Variants in PROM2 observed in about 807,000 individuals in gnomAD.
PROM2 encodes the protein prominin 2.
In PROM2, 90 loss-of-function variants were observed where a neutral mutation model predicts 110.2. The observed-to-expected ratio is 0.82, with a 90% CI of 0.69 to 0.97. The LOEUF is 0.97. Among genes scored for constraint, PROM2 ranks in the 50% least tolerant of loss-of-function variants. The pLI is 0.00. For missense variants in PROM2, 1,009 were observed against 1,074.8 expected (o/e 0.94, Z 0.86); for synonymous variants, 470 against 467.8 (o/e 1.00, Z -0.06).
At chr2:95,281,827 T>C in intron 12 of PROM2, 98 bp from the exon 13 acceptor site, 2 of 833,064 alleles carry the variant, frequency 2.4e-6, no homozygotes, top group Non-Finnish European at 4.1e-6. Context: ...ACCCCTGGTC[T>C]GTGCTGTGCC....
Position 95,277,720 on chromosome 2 carries a change from T to G in PROM2, c.975+154T>G, listed in dbSNP as rs1676759864. 12 of 839,838 alleles carry G rather than the reference T, an allele frequency of 1.4e-5. No homozygotes were observed. In the East Asian group the frequency reaches 3.0e-4, roughly 21 times the overall value. The allele number at this position is 839,838 out of a possible 1,614,324, so 52.0% of individuals were successfully genotyped here. Reference sequence around the variant, plus strand: ...CGGGTCATCCTGGCAGTGGGTGGAGTGCTCCCCAGGCCACGCCCTGTACGT... The same window carrying G: ...CGGGTCATCCTGGCAGTGGGTGGAGGGCTCCCCAGGCCACGCCCTGTACGT... On this transcript the variant is annotated intron_variant, in intron 7 of 23. Transcript: ENST00000317620.
chr2:95,277,051 T>C lies in PROM2; in HGVS notation c.762T>C (p.Ser254=), dbSNP rs1333719093. The change falls in exon 6 of 24, where the codon AGT becomes AGC. Residue 254 remains serine (S), a synonymous_variant. Coordinates refer to ENST00000317620, the MANE Select transcript of PROM2 (RefSeq NM_001165978.3). The stretch of plus-strand genomic sequence containing the variant: ...ACCCCTTGCTGGCGGCCGTGGGCAG[T>C]TTGGGCCAGGGTGAGCTGGAGCCGC... The part of the protein sequence containing the change: ...SVYPLLAAVG[S]LGQVLQVSVH... 2 of 1,551,238 alleles carry C rather than the reference T, an allele frequency of 1.3e-6. No individual in the cohort carries two copies. Among genetic ancestry groups the C allele is most frequent in the Non-Finnish European group, 1.7e-6 (2 of 1,146,986 alleles).
At chr2:95,288,423 G>A (rs1042370142) in intron 21 of PROM2, 60 bp from the exon 22 acceptor site, 53 of 1,591,072 alleles carry the variant, frequency 3.3e-5, no homozygotes, top group Non-Finnish European at 4.3e-5. Context: ...TGATGACAAG[G>A]CAGCTGGGTG....
rs548757602 is a variant in PROM2, at chr2:95,275,845, C to T, written c.295-85C>T. On this transcript the variant is annotated intron_variant, in intron 2 of 23. Coordinates refer to ENST00000317620, the MANE Select transcript of PROM2 (RefSeq NM_001165978.3). The surrounding 1 kb of genome is among the most constrained non-coding windows in gnomAD (Gnocchi z 4.4). ...CATGCCCCTGACGGCACTCCCGCCC[C>T]TTCTGGTTTCCCTCTGGACTCAGGC... 4.3e-5 allele frequency: 66 copies of T among 1,539,814 alleles called. No homozygotes were observed. In the South Asian group the frequency reaches 4.8e-4, roughly 11 times the overall value.
chr2:95,286,271 G>A (rs1677349897), intron 16 of PROM2, among the ~76,000 whole-genome samples: 1 of 152,196 alleles, frequency 6.6e-6, no homozygotes, highest in African/African-American at 2.4e-5. Context: ...TTCTGTGACT[G>A]ACTTAGGGGC....
In PROM2 at chr2:95,286,714, C is replaced by CT; in HGVS notation, c.2041-90_2041-89insT. 5.1e-6 allele frequency: 4 copies of CT among 789,924 alleles called. No individual in the cohort carries two copies. The Admixed American group carries it at 8.5e-5, about 17-fold the overall frequency. The allele number at this position is 789,924 out of a possible 1,614,324, so 48.9% of individuals were successfully genotyped here. On this transcript the variant is annotated intron_variant, in intron 17 of 23. Coordinates refer to ENST00000317620, the MANE Select transcript of PROM2 (RefSeq NM_001165978.3). ...CCCTCCTCTCCCCTCCTCTCCCCTC[C>CT]CCTCCCCTCCACTCCCCTCCACTTT...
chr2:95,280,984 T>G (rs1482226053), intron 11 of PROM2, among the ~76,000 whole-genome samples: 3 of 152,052 alleles, frequency 2.0e-5, no homozygotes, highest in African/African-American at 7.2e-5. Flanking sequence ...ACAGCTGTTT[T>G]CTCCTCTAGG....
rs772924189 is a variant in PROM2 at position 95,281,225 on chromosome 2, C to T, written c.1428-17C>T. The T allele has an allele frequency of 2.5e-6, 4 of 1,610,506 alleles. No homozygotes were observed. In the South Asian group the frequency reaches 4.4e-5, roughly 18 times the overall value. ...CAGTCCCTGCTGTCCCTCAGTCCTG[C>T]CTCTCGCCTACCCCAGAGGTGTGGG... On this transcript the variant is annotated splice_polypyrimidine_tract_variant and intron_variant, in intron 11 of 23. Coordinates refer to ENST00000317620, the MANE Select transcript of PROM2 (RefSeq NM_001165978.3).
At position 95,276,595 on chromosome 2, in the gene PROM2, A is replaced by G; in HGVS notation, c.620A>G (p.Glu207Gly). Residue 207 changes from glutamate (E) to glycine (G), a missense_variant and splice_region_variant, in exon 5 of 24, where the codon GAG (glutamate) becomes GGG (glycine). Physicochemically the swap from Glu to Gly is moderately conservative, Grantham distance 98. Transcript: ENST00000317620. This position sits in a 1 kb window ranked among gnomAD's most constrained non-coding sequence, Gnocchi z 4.6. ...LWGLVSDVPQ[E>G]LQAVAQQFSL... ...CCTCAGGGCCTTGTGTTTGCCTAGG[A>G]GCTGCAGGCCGTGGCACAGCAATTC... 6.2e-7 allele frequency: 1 copy of G among 1,613,824 alleles called. No individual in the cohort carries two copies. Among genetic ancestry groups the G allele is most frequent in the Non-Finnish European group, 8.5e-7 (1 of 1,180,004 alleles).
chr2:95,288,156 G>A lies in PROM2; in HGVS notation c.2245-55G>A, dbSNP rs1677482073. ...CACTCTCCCTGAATTGAATATGGGT[G>A]TGCGCCTGTGGGTCCAGGTGTCTCT... On this transcript the variant is annotated intron_variant, in intron 20 of 23. Coordinates refer to ENST00000317620, the MANE Select transcript of PROM2 (RefSeq NM_001165978.3). 3.8e-6 allele frequency: 6 copies of A among 1,561,128 alleles called. No individual in the cohort carries two copies. The Admixed American group carries it at 6.7e-5, about 17-fold the overall frequency.
chr2:95,282,290 CCTCTGTGGAGGCACCGT>C (rs1455315729), intron 14 of PROM2, 64 bp downstream of exon 14: 1 of 1,379,766 alleles, frequency 7.2e-7, no homozygotes, highest in African/African-American at 1.4e-5. Flanking sequence ...GGTCTTTTTG[CCTCTGTGGAGGCACCGT>C]CTCTTTGAAC....
intron 20 of PROM2, 78 bp downstream of exon 20, chr2:95,287,542 GC>G (rs1558749896): frequency 6.9e-7 from 1 of 1,449,072 alleles, no homozygotes; most frequent in Non-Finnish European, 9.5e-7. Context: ...CCCCGCCCCC[GC>G]CCCCGGAGCC....
intron 7 of PROM2, 177 bp downstream of exon 7, chr2:95,277,743 C>T (rs769220856): frequency 9.2e-6 from 7 of 764,122 alleles, no homozygotes; most frequent in East Asian, 2.7e-5. Flanking sequence ...ACGCCCTGTA[C>T]GTGAACTTCA....
intron 9 of PROM2, 22 bp downstream of exon 9, chr2:95,278,806 G>A: frequency 1.9e-6 from 3 of 1,613,950 alleles, no homozygotes; most frequent in Non-Finnish European, 2.5e-6. Context: ...CGGGTCAGAG[G>A]CAGCTGCCAG....
rs1416001344 is a variant in PROM2 at position 95,279,074 on chromosome 2, C to G, written c.1204C>G (p.Gln402Glu). The change falls in exon 10 of 24, where the codon CAG (glutamine) becomes GAG (glutamate). Residue 402 changes from glutamine to glutamate, a missense_variant. Transcript: ENST00000317620. ...CTTGGAGGCAGCTTCCCGCTGGGCC[C>G]AGGCACTGCAGGAGGTGGAGGAGAG... ...PGLEAASRWA[Q>E]ALQEVEESSR... 5 of 1,610,674 alleles carry G rather than the reference C, an allele frequency of 3.1e-6. No individual in the cohort carries two copies. Among genetic ancestry groups the G allele is most frequent in the Non-Finnish European group, 4.2e-6 (5 of 1,178,894 alleles).
At chr2:95,278,232 G>A in intron 8 of PROM2, 2 of 591,566 alleles carry the variant, frequency 3.4e-6, no homozygotes, top group East Asian at 2.8e-5. Flanking sequence ...TGGCAAGGGA[G>A]CAGTGCTCAG....
Position 95,287,424 on chromosome 2 carries a change from T to C in PROM2, c.2204T>C (p.Met735Thr). The change falls in exon 20 of 24, where the codon ATG becomes ACG. Residue 735 changes from methionine (M) to threonine (T), a missense_variant. By Grantham distance (81) the Met-to-Thr change is moderately conservative. Transcript: ENST00000317620. ...AGTGAGTGTTTCCTGGCCCGGGAGA[T>C]GGGCTACTTCTCCCAGTACGTGGCC... ...NVSECFLARE[M>T]GYFSQYVAWV... is the part of the protein sequence containing the mutation. 9 of 1,614,040 alleles carry C rather than the reference T, an allele frequency of 5.6e-6. No individual in the cohort carries two copies. Among genetic ancestry groups the C allele is most frequent in the South Asian group, 1.1e-5 (1 of 91,076 alleles).
chr2:95,276,216 C>T lies in PROM2; in HGVS notation c.498-11C>T, dbSNP rs1326931441. On this transcript the variant is annotated splice_polypyrimidine_tract_variant and intron_variant, in intron 3 of 23. Transcript: ENST00000317620. This position sits in a 1 kb window ranked among gnomAD's most constrained non-coding sequence, Gnocchi z 4.6. ...CCAGCAAGCACCTTCCTCCTCCCTC[C>T]ATTCCCACAGGATTGGTGTGGTCTG... 1.7e-5 allele frequency: 27 copies of T among 1,613,828 alleles called. No homozygotes were observed. Among genetic ancestry groups the T allele is most frequent in the Non-Finnish European group, 2.3e-5 (27 of 1,180,008 alleles).
chr2:95,288,700 C>T (rs1677526209), intron 22 of PROM2, 111 bp downstream of exon 22: 7 of 972,530 alleles, frequency 7.2e-6, no homozygotes, highest in Admixed American at 2.3e-5. Flanking sequence ...AGAGGAGGCT[C>T]ATGAGCGAGC....
Sources: allele counts gnomAD v4.1 joint callset (sites outside exome capture counted in the v4.1 genomes callset), GRCh38; gene constraint gnomAD v4.1.1; non-coding constraint Gnocchi (gnomAD v3.1); transcripts MANE v1.5; gene names NCBI Gene and HGNC (gene_info 2026-07-23, HGNC 2026-07-21).